PNPLA7: variants seen among roughly 807,000 people sequenced by gnomAD.
PNPLA7 encodes the protein patatin like domain 7, lysophospholipase, also known as patatin-like phospholipase domain-containing protein 7.
A neutral mutation model predicts 161.7 loss-of-function variants in PNPLA7; 153 were observed. That is an observed-to-expected ratio of 0.95 (90% CI 0.83 to 1.08). PNPLA7 has a LOEUF of 1.08. Among genes scored for constraint, PNPLA7 ranks in the 50% least tolerant of loss-of-function variants. The pLI is 0.00. For synonymous variants in PNPLA7, 809 were observed against 782.1 expected, an observed-to-expected ratio of 1.03 and a Z score of -0.57; for missense variants, 1,739 against 1,856.6, an observed-to-expected ratio of 0.94 and a Z score of 1.16.
intron 4 of PNPLA7, among the ~76,000 whole-genome samples, chr9:137,544,947 C>T (rs536813088): frequency 3.9e-4 from 59 of 152,068 alleles, no homozygotes; most frequent in Admixed American, 3.3e-3. Context: ...CGTGCCCGGC[C>T]GAGTTTTTCA....
At chr9:137,491,704 C>G in intron 20 of PNPLA7, 1 of 985,442 alleles carries the variant, frequency 1.0e-6, no homozygotes, top group African/African-American at 1.7e-5. Context: ...TTCGCTGCCT[C>G]TGTGTGGCCC....
chr9:137,493,870 T>C (rs1832900266), intron 19 of PNPLA7, among the ~76,000 whole-genome samples: 2 of 152,182 alleles, frequency 1.3e-5, no homozygotes, highest in Non-Finnish European at 2.9e-5. Context: ...CGCCAGGCTC[T>C]CCTGGTCCAT....
chr9:137,513,129 A>T (rs1834325165), intron 12 of PNPLA7, among the ~76,000 whole-genome samples: 1 of 152,240 alleles, frequency 6.6e-6, no homozygotes, highest in Admixed American at 6.5e-5. Context: ...TTCTTCCCTC[A>T]TTCTTGCAGT....
At chr9:137,542,889 C>T in intron 6 of PNPLA7, 88 bp from the exon 7 acceptor site, 3 of 1,414,670 alleles carry the variant, frequency 2.1e-6, no homozygotes, top group Non-Finnish European at 1.9e-6. Context: ...GGTCACTGAC[C>T]CCACTGGCGC....
At chr9:137,550,046 A>T in intron 1 of PNPLA7, 122 bp downstream of exon 1, 1 of 1,196,538 alleles carries the variant, frequency 8.4e-7, no homozygotes, top group Non-Finnish European at 1.2e-6. Flanking sequence ...CACAGTCCTC[A>T]GGCGCCAAGA....
Position 137,461,626 on chromosome 9 carries a change from G to A in PNPLA7, c.3757-6C>T. The A allele has an allele frequency of 3.7e-6, 6 of 1,607,964 alleles. No homozygotes were observed. The highest frequency in any genetic ancestry group is 5.1e-6 in the Non-Finnish European group (6 of 1,176,720). ...GCGTTGGGACAGGTGAGGACCTAGGGGTGGGGTGAGGACAGCACGTTGCCT... is the reference window on the plus strand; with the variant it reads ...GCGTTGGGACAGGTGAGGACCTAGGAGTGGGGTGAGGACAGCACGTTGCCT... On this transcript the variant is annotated splice_region_variant and splice_polypyrimidine_tract_variant and intron_variant, in intron 32 of 34. Coordinates refer to ENST00000406427, the MANE Select transcript of PNPLA7 (RefSeq NM_001098537.3).
intron 25 of PNPLA7, among the ~76,000 whole-genome samples, chr9:137,472,908 T>C (rs910343353): frequency 4.0e-5 from 6 of 151,732 alleles, no homozygotes; most frequent in African/African-American, 1.5e-4. Context: ...TGAGCCGAGA[T>C]TGCACCACTG....
Position 137,500,835 on chromosome 9 carries a change from C to G in PNPLA7, c.1613G>C (p.Ser538Thr). The G allele has an allele frequency of 1.2e-6, 2 of 1,601,450 alleles. No individual in the cohort carries two copies. Among genetic ancestry groups the G allele is most frequent in the Non-Finnish European group, 1.7e-6 (2 of 1,175,794 alleles). ...GAGGAACAAGCAGGTGTCCTCCTGG[C>G]TGCCGATCTTCCGCTGGTACACGTG... ...LLHVYQRKIG[S>T]QEDTCLFLTR... Residue 538 changes from serine (S) to threonine (T), a missense_variant, in exon 16 of 35, where the codon AGC becomes ACC. Ser to Thr is a moderately conservative substitution (Grantham distance 58, BLOSUM62 1). Around this residue, in one of 6 missense-constraint regions of PNPLA7, gnomAD observed 481 missense variants for 450.0 expected, o/e 1.07. Transcript: ENST00000406427. The surrounding 1 kb of genome is among the most constrained non-coding windows in gnomAD (Gnocchi z 5.5).
Position 137,480,984 on chromosome 9 carries a change from C to G in PNPLA7, c.2387G>C (p.Arg796Pro). 1.3e-6 allele frequency: 2 copies of G among 1,551,608 alleles called. No homozygotes were observed. Among genetic ancestry groups the G allele is most frequent in the Non-Finnish European group, 1.7e-6 (2 of 1,146,966 alleles). The part of the protein sequence containing the change: ...LLLTSDNIKR[R>P]LGSAALDSVH... ...CCTGTCCAGGGCAGCGGAGCCAAGG[C>G]GCCGTTTTATGTTGTCACTAGTCAG... Residue 796 changes from arginine to proline, a missense_variant, in exon 22 of 35, where the codon CGC becomes CCC. Coordinates refer to ENST00000406427, the MANE Select transcript of PNPLA7 (RefSeq NM_001098537.3).
intron 14 of PNPLA7, 124 bp from the exon 15 acceptor site, chr9:137,501,851 C>A: frequency 1.1e-6 from 1 of 952,160 alleles, no homozygotes; most frequent in South Asian, 1.6e-5. Flanking sequence ...GCAAGGCCCT[C>A]CTCCGAGGCT....
chr9:137,480,436 T>C lies in PNPLA7; in HGVS notation c.2456A>G (p.Asp819Gly), dbSNP rs1182680756. The change falls in exon 23 of 35, where the codon GAC becomes GGC. Residue 819 changes from aspartate to glycine, a missense_variant. By Grantham distance (94) the Asp-to-Gly change is moderately conservative. Transcript: ENST00000406427. ...CTGGTAGAGCACGATCCTGTGGGTGTCCTCCTGCTGCCCCAGCCAGCTGGA... is the reference window on the plus strand; with the variant it reads ...CTGGTAGAGCACGATCCTGTGGGTGCCCTCCTGCTGCCCCAGCCAGCTGGA... ...RLSSWLGQQE[D>G]THRIVLYQAD... is the part of the protein sequence containing the mutation. The C allele has an allele frequency of 6.2e-7, 1 of 1,612,518 alleles. No homozygotes were observed. The highest frequency in any genetic ancestry group is 2.2e-5 in the East Asian group (1 of 44,858).
At chr9:137,526,749 C>T (rs1003875834) in intron 8 of PNPLA7, among the ~76,000 whole-genome samples, 2 of 152,134 alleles carry the variant, frequency 1.3e-5, no homozygotes, top group African/African-American at 2.4e-5. Context: ...AATTTCAATT[C>T]CTAATTCTTC....
chr9:137,493,913 G>C (rs988731940), intron 19 of PNPLA7, among the ~76,000 whole-genome samples: 2 of 152,194 alleles, frequency 1.3e-5, no homozygotes, highest in African/African-American at 4.8e-5. Flanking sequence ...CCAGGACCTA[G>C]GATCTGCGGG....
chr9:137,491,916 G>A, intron 20 of PNPLA7: 1 of 985,470 alleles, frequency 1.0e-6, no homozygotes, highest in Non-Finnish European at 1.2e-6. Flanking sequence ...GGCGGATGGG[G>A]AGGCCAGGGA....
At chr9:137,494,952 C>G (rs909058503) in intron 19 of PNPLA7, 81 bp downstream of exon 19, 32 of 1,306,044 alleles carry the variant, frequency 2.5e-5, no homozygotes, top group Admixed American at 2.2e-4. Flanking sequence ...GTGCCCTCAC[C>G]CGCTCCGCCC....
rs573518221 is a variant in PNPLA7, at chr9:137,522,184, C to T, written c.877-468G>A. Reference sequence around the variant, plus strand: ...CCGCCTCCCGGGTTCATGCCGTTCTCCTGCCTCAGCCTCCCGAGTAGCTGG... The same window carrying T: ...CCGCCTCCCGGGTTCATGCCGTTCTTCTGCCTCAGCCTCCCGAGTAGCTGG... On this transcript the variant is annotated intron_variant, in intron 9 of 34. Transcript: ENST00000406427. Among the ~76,000 whole-genome samples, 946 of 152,340 alleles carry T rather than the reference C, an allele frequency of 6.2e-3. 8 individuals are homozygous for T. Among genetic ancestry groups the T allele is most frequent in the Non-Finnish European group, 0.011 (751 of 68,038 alleles).
chr9:137,496,010 G>A (rs1044940688), intron 18 of PNPLA7, among the ~76,000 whole-genome samples: 2 of 152,168 alleles, frequency 1.3e-5, no homozygotes, highest in East Asian at 1.9e-4. Context: ...CATCAGCCCC[G>A]GGCAAAACAC....
At chr9:137,477,169 C>T (rs537083347) in intron 25 of PNPLA7, among the ~76,000 whole-genome samples, 10 of 152,364 alleles carry the variant, frequency 6.6e-5, no homozygotes, top group Admixed American at 5.2e-4. Flanking sequence ...CCTTACGCAC[C>T]TGGCTCAGCA....
chr9:137,542,030 C>A (rs1272600826), intron 7 of PNPLA7, among the ~76,000 whole-genome samples: 2 of 152,208 alleles, frequency 1.3e-5, no homozygotes, highest in East Asian at 1.9e-4. Flanking sequence ...GATCTTCCCA[C>A]CTTGGCCTTA....
Sources: gnomAD v4.1 joint callset for allele counts (sites outside exome capture counted in the v4.1 genomes callset) on GRCh38, gnomAD v4.1.1 for gene constraint, gnomAD v4.1.1 regional missense constraint, Gnocchi (gnomAD v3.1) non-coding constraint, MANE v1.5 for transcripts, NCBI Gene and HGNC (gene_info 2026-07-23, HGNC 2026-07-21) for gene names.